TMC1: variants seen among roughly 807,000 people sequenced by gnomAD.
TMC1 encodes transmembrane channel-like protein 1.
Under a neutral mutation model 105.8 loss-of-function variants are expected in TMC1, and 84 were observed. The ratio of observed to expected loss-of-function variants is 0.79; its 90% CI spans 0.67 to 0.95. The LOEUF (loss-of-function observed/expected upper bound fraction) is 0.95, where lower values mean the gene tolerates loss of function less well. TMC1 is among the 40% of genes least tolerant of loss of function. The pLI, the probability that TMC1 is intolerant of heterozygous loss-of-function variation, is 0.00. For missense variants in TMC1, 817 were observed against 914.1 expected, an observed-to-expected ratio of 0.89 and a Z score of 1.37; for synonymous variants, 315 against 311.5, an observed-to-expected ratio of 1.01 and a Z score of -0.12.
Position 72,751,974 on chromosome 9 carries a change from G to T in TMC1, c.642+18G>T, listed in dbSNP as rs761790416. ...TGCCAGAGGTGAGATCTGACTTCCA[G>T]TTTACAAAACATGCTGAAAAATGTT... is the stretch of plus-strand genomic sequence containing the variant. On this transcript the variant is annotated intron_variant, in intron 11 of 23. Transcript: ENST00000297784. 6.7e-7 allele frequency: 1 copy of T among 1,484,556 alleles called. No homozygotes were observed. Among genetic ancestry groups the T allele is most frequent in the South Asian group, 1.1e-5 (1 of 88,568 alleles). The allele number at this position is 1,484,556 out of a possible 1,614,324, so 92.0% of individuals were successfully genotyped here.
chr9:72,582,634 A>C (rs1824493727), intron 2 of TMC1, among the ~76,000 whole-genome samples: 1 of 152,174 alleles, frequency 6.6e-6, no homozygotes, highest in South Asian at 2.1e-4. Flanking sequence ...TAGAATCCTG[A>C]ATTTCTGGAT....
At chr9:72,618,582 A>G (rs1825186187) in intron 3 of TMC1, among the ~76,000 whole-genome samples, 2 of 152,176 alleles carry the variant, frequency 1.3e-5, no homozygotes, top group African/African-American at 2.4e-5. Flanking sequence ...AATAAGCAAG[A>G]TATAAATAAA....
At chr9:72,620,323 C>G (rs7027609) in intron 3 of TMC1, among the ~76,000 whole-genome samples, 15,695 of 151,982 alleles carry the variant, frequency 0.1, 1,009 homozygotes, top group African/African-American at 0.17. Context: ...CTCACTGAAG[C>G]CTTGACTTCT....
At chr9:72,566,481 A>G (rs1824156141) in intron 1 of TMC1, among the ~76,000 whole-genome samples, 1 of 152,086 alleles carries the variant, frequency 6.6e-6, no homozygotes, top group Non-Finnish European at 1.5e-5. Context: ...GTGGGTGGGA[A>G]GGTGAGGAGG....
At chr9:72,668,822 A>T (rs998487624) in intron 5 of TMC1, among the ~76,000 whole-genome samples, 3 of 152,146 alleles carry the variant, frequency 2.0e-5, no homozygotes, top group Non-Finnish European at 4.4e-5. Flanking sequence ...GGCCTTCTTC[A>T]TAGAGACACA....
At chr9:72,778,728 G>A (rs1828043428) in intron 13 of TMC1, among the ~76,000 whole-genome samples, 1 of 152,166 alleles carries the variant, frequency 6.6e-6, no homozygotes, top group South Asian at 2.1e-4. Context: ...ATTCTGATCT[G>A]AGTGCCTCCC....
At chr9:72,685,433 G>C (rs1375892140) in intron 5 of TMC1, among the ~76,000 whole-genome samples, 1 of 136,678 alleles carries the variant, frequency 7.3e-6, no homozygotes, top group African/African-American at 2.8e-5. Context: ...GCACAATCTC[G>C]GCTCACTGCA....
chr9:72,679,209 GT>G (rs1189914693), intron 5 of TMC1, among the ~76,000 whole-genome samples: 1 of 151,994 alleles, frequency 6.6e-6, no homozygotes, highest in African/African-American at 2.4e-5. Context: ...AAATGGGTTT[GT>G]TTTTTCATGC....
At chr9:72,603,872 T>C (rs1347155408) in intron 2 of TMC1, among the ~76,000 whole-genome samples, 1 of 144,648 alleles carries the variant, frequency 6.9e-6, no homozygotes, top group African/African-American at 2.6e-5. Flanking sequence ...TTTTTTTTTT[T>C]TTTTCTTTTT....
chr9:72,726,854 A>G (rs1329304240), intron 8 of TMC1, among the ~76,000 whole-genome samples: 1 of 152,234 alleles, frequency 6.6e-6, no homozygotes, highest in Non-Finnish European at 1.5e-5. Context: ...ATAAGCACAC[A>G]GGTATTGTGT....
intron 23 of TMC1, among the ~76,000 whole-genome samples, chr9:72,835,003 CT>C (rs767020151): frequency 6.6e-6 from 1 of 152,152 alleles, no homozygotes; most frequent in Non-Finnish European, 1.5e-5. Flanking sequence ...TTTTCCTCCC[CT>C]GGCTTAGCTT....
chr9:72,564,158 TTTG>T (rs1824107457), intron 1 of TMC1, among the ~76,000 whole-genome samples: 1 of 152,190 alleles, frequency 6.6e-6, no homozygotes, highest in South Asian at 2.1e-4. Flanking sequence ...AATGCCATTT[TTTG>T]TTGTTATTTT....
chr9:72,676,310 A>T (rs748376355), intron 5 of TMC1, among the ~76,000 whole-genome samples: 12 of 152,180 alleles, frequency 7.9e-5, no homozygotes, highest in South Asian at 2.1e-4. Context: ...CTAAGGTATT[A>T]AGAAAAAGCT....
intron 1 of TMC1, among the ~76,000 whole-genome samples, chr9:72,542,501 T>A (rs972020664): frequency 1.3e-5 from 2 of 151,558 alleles, no homozygotes; most frequent in African/African-American, 4.8e-5. Context: ...ACACCTGTAA[T>A]CTCAGCTGCT....
chr9:72,758,270 TA>T (rs1344552282), intron 12 of TMC1, among the ~76,000 whole-genome samples: 1 of 152,202 alleles, frequency 6.6e-6, no homozygotes, highest in Non-Finnish European at 1.5e-5. Flanking sequence ...CAGCCCATCC[TA>T]CAATAAGCTA....
intron 2 of TMC1, among the ~76,000 whole-genome samples, chr9:72,591,925 C>A (rs116179867): frequency 6.6e-6 from 1 of 152,020 alleles, no homozygotes; most frequent in Non-Finnish European, 1.5e-5. Context: ...GTGGATGGGG[C>A]CTGAGAATTT....
At chr9:72,543,647 G>A (rs867899299) in intron 1 of TMC1, among the ~76,000 whole-genome samples, 2 of 152,178 alleles carry the variant, frequency 1.3e-5, no homozygotes, top group African/African-American at 2.4e-5. Context: ...GCTGGGCATG[G>A]TGGTGGGTGC....
chr9:72,681,243 A>T (rs759534283), intron 5 of TMC1, among the ~76,000 whole-genome samples: 2 of 152,148 alleles, frequency 1.3e-5, no homozygotes, highest in Admixed American at 6.6e-5. Context: ...CTGAATATAT[A>T]TTATGACAGC....
intron 1 of TMC1, among the ~76,000 whole-genome samples, chr9:72,553,049 C>T (rs1823881631): frequency 6.6e-6 from 1 of 152,040 alleles, no homozygotes; most frequent in Admixed American, 6.6e-5. Context: ...TCTCGGGTCA[C>T]AGCAACCTCT....
Sources: allele counts gnomAD v4.1 joint callset (sites outside exome capture counted in the v4.1 genomes callset), GRCh38; gene constraint gnomAD v4.1.1; transcripts MANE v1.5; gene names NCBI Gene and HGNC (gene_info 2026-07-23, HGNC 2026-07-21).